C16orf74: variants seen among roughly 807,000 people sequenced by gnomAD.
C16orf74 encodes the protein calcimembrin, also known as uncharacterized protein C16orf74.
A neutral mutation model predicts 6.5 loss-of-function variants in C16orf74; 10 were observed. That is an observed-to-expected ratio of 1.54 (90% CI 0.95 to 2.61). The LOEUF (loss-of-function observed/expected upper bound fraction) is 2.61. Ranked by LOEUF, C16orf74 falls within the 30% of genes most tolerant of loss-of-function variation. C16orf74 has a pLI of 0.00. For missense variants in C16orf74, 141 were observed against 105.9 expected, an observed-to-expected ratio of 1.33 and a Z score of -1.45; for synonymous variants, 60 against 42.5, an observed-to-expected ratio of 1.41 and a Z score of -1.60.
intron 1 of C16orf74, among the ~76,000 whole-genome samples, chr16:85,747,631 A>G (rs1043790685): frequency 5.3e-5 from 8 of 152,166 alleles, no homozygotes; most frequent in East Asian, 1.9e-4. Context: ...CTTGCCCACA[A>G]AAAGTATCAA....
intron 3 of C16orf74, among the ~76,000 whole-genome samples, chr16:85,709,751 G>C (rs971438856): frequency 2.6e-5 from 4 of 152,312 alleles, no homozygotes; most frequent in South Asian, 4.1e-4. Flanking sequence ...CCCAGGGTCC[G>C]GCCCCAGCCT....
intron 2 of C16orf74, among the ~76,000 whole-genome samples, chr16:85,722,269 C>G (rs927004270): frequency 5.9e-5 from 9 of 152,110 alleles, no homozygotes; most frequent in Non-Finnish European, 1.5e-5. Flanking sequence ...TTAGTCAGGC[C>G]ATATAATTAG....
chr16:85,736,277 T>C (rs1459718219), intron 1 of C16orf74, among the ~76,000 whole-genome samples: 1 of 151,834 alleles, frequency 6.6e-6, no homozygotes, highest in Non-Finnish European at 1.5e-5. Context: ...CTAGTACCTG[T>C]GAGGAGACCC....
At chr16:85,726,484 C>T (rs1598793080) in intron 2 of C16orf74, among the ~76,000 whole-genome samples, 1 of 152,152 alleles carries the variant, frequency 6.6e-6, no homozygotes, top group Non-Finnish European at 1.5e-5. Context: ...TGGAACATGG[C>T]GGTGGCAATG....
intron 1 of C16orf74, among the ~76,000 whole-genome samples, chr16:85,744,596 C>A (rs999940871): frequency 6.6e-6 from 1 of 152,050 alleles, no homozygotes; most frequent in Non-Finnish European, 1.5e-5. Flanking sequence ...TTTGGGAGGC[C>A]AAGGCGGGCG....
intron 1 of C16orf74, among the ~76,000 whole-genome samples, chr16:85,737,917 G>A (rs907750222): frequency 2.7e-5 from 4 of 150,478 alleles, no homozygotes; most frequent in Non-Finnish European, 5.9e-5. Context: ...GTGGCCTAAC[G>A]CAAATTTGTA....
At chr16:85,729,852 G>A (rs1047911439) in intron 2 of C16orf74, among the ~76,000 whole-genome samples, 13 of 152,204 alleles carry the variant, frequency 8.5e-5, no homozygotes, top group South Asian at 2.1e-4. Flanking sequence ...TGGCGCTGAG[G>A]AGGGAGGGCG....
At chr16:85,737,789 C>A (rs2054260487) in intron 1 of C16orf74, among the ~76,000 whole-genome samples, 1 of 152,116 alleles carries the variant, frequency 6.6e-6, no homozygotes, top group African/African-American at 2.4e-5. Context: ...CAAGATCATG[C>A]CACTGCACTC....
At chr16:85,739,300 A>T (rs1257963702) in intron 1 of C16orf74, among the ~76,000 whole-genome samples, 1 of 152,188 alleles carries the variant, frequency 6.6e-6, no homozygotes, top group African/African-American at 2.4e-5. Context: ...CCCTGCACAA[A>T]GTACTCGGAT....
At chr16:85,747,974 C>T (rs1379213334) in intron 1 of C16orf74, among the ~76,000 whole-genome samples, 3 of 151,806 alleles carry the variant, frequency 2.0e-5, no homozygotes, top group African/African-American at 7.3e-5. Flanking sequence ...GTAATCCCAG[C>T]TACTCAGGAG....
intron 1 of C16orf74, among the ~76,000 whole-genome samples, chr16:85,746,741 C>T (rs2054377577): frequency 6.6e-6 from 1 of 152,222 alleles, no homozygotes; most frequent in Non-Finnish European, 1.5e-5. Context: ...CCCTTCAGCT[C>T]TCTGGGCCTG....
intron 2 of C16orf74, among the ~76,000 whole-genome samples, chr16:85,723,694 T>A (rs1441119726): frequency 6.6e-6 from 1 of 152,180 alleles, no homozygotes; most frequent in African/African-American, 2.4e-5. Context: ...AAGTCCTGCT[T>A]GGGCAAGGCA....
intron 1 of C16orf74, among the ~76,000 whole-genome samples, chr16:85,735,750 GC>G (rs11460901): frequency 1.3e-5 from 2 of 151,250 alleles, no homozygotes; most frequent in East Asian, 1.9e-4. Flanking sequence ...AGGACGTGTG[GC>G]CCCCCCAGCC....
Position 85,707,766 on chromosome 16 carries a change from G to A in C16orf74, c.*242C>T. 1 of 540,282 alleles carries A rather than the reference G, an allele frequency of 1.9e-6. No homozygotes were observed. Among genetic ancestry groups the A allele is most frequent in the Non-Finnish European group, 3.3e-6 (1 of 303,192 alleles). The allele number at this position is 540,282 out of a possible 1,614,324, so 33.5% of individuals were successfully genotyped here. A position where few individuals can be genotyped will look rare whatever the true frequency, so the allele number is the denominator to read the frequency against. On this transcript the variant is annotated 3_prime_UTR_variant, in exon 4 of 4. Transcript: ENST00000284245. ...TGGCGCTCCCTTTCACCAGGCCGGA[G>A]TCAGCAAGAACCTGGAGGTGTCAGA... is the stretch of plus-strand genomic sequence containing the variant.
intron 2 of C16orf74, among the ~76,000 whole-genome samples, chr16:85,714,514 G>T: frequency 6.6e-6 from 1 of 151,856 alleles, no homozygotes; most frequent in East Asian, 1.9e-4. Context: ...CTGCCTCCTG[G>T]GTTCAAGCGA....
At chr16:85,718,875 C>T (rs960110418) in intron 2 of C16orf74, among the ~76,000 whole-genome samples, 8 of 152,338 alleles carry the variant, frequency 5.3e-5, no homozygotes, top group South Asian at 2.1e-4. Flanking sequence ...TGGGTGCCAA[C>T]GGCTACTGTT....
At chr16:85,716,750 C>A (rs554160058) in intron 2 of C16orf74, among the ~76,000 whole-genome samples, 1 of 151,908 alleles carries the variant, frequency 6.6e-6, no homozygotes, top group Non-Finnish European at 1.5e-5. Context: ...ACACCCCAGC[C>A]CCTCTCACAT....
At chr16:85,746,417 G>A (rs1183035624) in intron 1 of C16orf74, among the ~76,000 whole-genome samples, 1 of 152,194 alleles carries the variant, frequency 6.6e-6, no homozygotes, top group Non-Finnish European at 1.5e-5. Context: ...TTTATCTGCT[G>A]AATCTGACCA....
At chr16:85,732,656 ACT>A (rs1396516363) in intron 2 of C16orf74, among the ~76,000 whole-genome samples, 1 of 94,094 alleles carries the variant, frequency 1.1e-5, no homozygotes, top group Admixed American at 1.9e-4. Flanking sequence ...ACAGAGCGAG[ACT>A]CTGTCTCAAA....
Sources: allele counts gnomAD v4.1 joint callset (sites outside exome capture counted in the v4.1 genomes callset), GRCh38; gene constraint gnomAD v4.1.1; transcripts MANE v1.5; gene names NCBI Gene and HGNC (gene_info 2026-07-23, HGNC 2026-07-21).